LDLRAD3: variants seen among roughly 807,000 people sequenced by gnomAD.
LDLRAD3 encodes the protein low density lipoprotein receptor class A domain containing 3, also known as low-density lipoprotein receptor class A domain-containing protein 3.
Under a neutral mutation model 29.4 loss-of-function variants are expected in LDLRAD3, and 20 were observed. The ratio of observed to expected loss-of-function variants is 0.68; its 90% CI spans 0.48 to 0.99. The LOEUF is 0.99. Among genes scored for constraint, LDLRAD3 ranks in the 50% least tolerant of loss-of-function variants. The pLI is 0.00. For missense variants in LDLRAD3, 420 were observed against 454.3 expected (o/e 0.92, Z 0.69); for synonymous variants, 157 against 192.7 (o/e 0.81, Z 1.53).
chr11:36,017,112 C>T (rs1019329646), intron 1 of LDLRAD3, among the ~76,000 whole-genome samples: 2 of 152,156 alleles, frequency 1.3e-5, no homozygotes, highest in African/African-American at 4.8e-5. Context: ...TGAAGAAAAA[C>T]ATTTGCCTTT....
chr11:36,207,309 G>A (rs1186187098), intron 4 of LDLRAD3, among the ~76,000 whole-genome samples: 2 of 152,116 alleles, frequency 1.3e-5, no homozygotes, highest in Non-Finnish European at 2.9e-5. Context: ...AAGATGGAAC[G>A]GAAACCACAG....
intron 3 of LDLRAD3, among the ~76,000 whole-genome samples, chr11:36,093,595 G>A (rs61463345): frequency 0.033 from 5,062 of 152,188 alleles, 266 homozygotes; most frequent in African/African-American, 0.12. Flanking sequence ...AGGCAGTGAC[G>A]CTCCCTGCCC....
chr11:36,111,157 C>A (rs1358061275), intron 4 of LDLRAD3, among the ~76,000 whole-genome samples: 1 of 152,090 alleles, frequency 6.6e-6, no homozygotes, highest in Non-Finnish European at 1.5e-5. Context: ...GATGTTCAAC[C>A]CTGGAAAAGA....
At chr11:36,143,739 A>C (rs1297261314) in intron 4 of LDLRAD3, among the ~76,000 whole-genome samples, 1 of 152,198 alleles carries the variant, frequency 6.6e-6, no homozygotes, top group African/African-American at 2.4e-5. Flanking sequence ...GGTTTCTCCC[A>C]GCACCCCTTT....
intron 2 of LDLRAD3, among the ~76,000 whole-genome samples, chr11:36,060,633 G>A (rs556367194): frequency 2.0e-5 from 3 of 152,280 alleles, no homozygotes; most frequent in South Asian, 2.1e-4. Context: ...ACTTGCTTGT[G>A]TGATGGGGTT....
chr11:36,019,733 T>A (rs1298798863), intron 1 of LDLRAD3, among the ~76,000 whole-genome samples: 1 of 152,190 alleles, frequency 6.6e-6, no homozygotes, highest in African/African-American at 2.4e-5. Context: ...CTGTCACTAT[T>A]CCCTGGATAC....
chr11:36,227,224 G>T lies in LDLRAD3; in HGVS notation c.594G>T (p.Arg198=). The T allele has an allele frequency of 5.0e-6, 8 of 1,614,204 alleles. No homozygotes were observed. The highest frequency in any genetic ancestry group is 6.8e-6 in the Non-Finnish European group (8 of 1,180,032). Residue 198 remains arginine (R), a synonymous_variant, in exon 5 of 6, where the codon CGG becomes CGT. Coordinates refer to ENST00000315571, the MANE Select transcript of LDLRAD3 (RefSeq NM_174902.4). The stretch of plus-strand genomic sequence containing the variant: ...TGGCACTGGTCTTGCACCACCAGCG[G>T]AAGCGGAACAACCTCATGACGCTGC... ...ALLALVLHHQ[R]KRNNLMTLPV...
chr11:36,217,226 A>T (rs147542669), intron 4 of LDLRAD3, among the ~76,000 whole-genome samples: 141 of 152,318 alleles, frequency 9.3e-4, no homozygotes, highest in Middle Eastern at 6.8e-3. Flanking sequence ...ATTGTGAATT[A>T]CCATGTTGAC....
Position 35,978,435 on chromosome 11 carries a change from G to A in LDLRAD3, c.46+34291G>A, listed in dbSNP as rs371041219. 7.2e-5 allele frequency among the ~76,000 whole-genome samples: 11 copies of A among 152,310 alleles called. No homozygotes were observed. The East Asian group carries it at 1.5e-3, about 21-fold the overall frequency. On this transcript the variant is annotated intron_variant, in intron 1 of 5. Transcript: ENST00000315571. Reference sequence around the variant, plus strand: ...TTGTGACATTGTGTAACACGACCCAGTACGGCCATCAGTTAAATGTGTTTG... The same window carrying A: ...TTGTGACATTGTGTAACACGACCCAATACGGCCATCAGTTAAATGTGTTTG...
intron 4 of LDLRAD3, among the ~76,000 whole-genome samples, chr11:36,147,030 C>T (rs1414342858): frequency 1.3e-5 from 2 of 150,908 alleles, no homozygotes; most frequent in Admixed American, 1.3e-4. Flanking sequence ...CCTCGAGTGA[C>T]CCACCCACCT....
At chr11:36,091,060 C>T (rs1240143856) in intron 3 of LDLRAD3, among the ~76,000 whole-genome samples, 2 of 152,172 alleles carry the variant, frequency 1.3e-5, no homozygotes, top group Admixed American at 6.5e-5. Context: ...GGCCAGGCGC[C>T]CTCTATCCTC....
intron 4 of LDLRAD3, among the ~76,000 whole-genome samples, chr11:36,108,134 G>A (rs1345598271): frequency 6.6e-6 from 1 of 151,862 alleles, no homozygotes; most frequent in Non-Finnish European, 1.5e-5. Flanking sequence ...GGCTAACACA[G>A]TGAAACCCCG....
rs116332570 is a variant in LDLRAD3, at chr11:35,961,955, G to A, written c.46+17811G>A. ...TACAATGAGGATATTTTAAGCCAGG[G>A]ATGACTGTGATCCTGTTTGTGGTCT... On this transcript the variant is annotated intron_variant, in intron 1 of 5. Transcript: ENST00000315571. Among the ~76,000 whole-genome samples the A allele has an allele frequency of 1.8e-3, 267 of 152,158 alleles. 1 individual carries two copies. Among genetic ancestry groups the A allele is most frequent in the African/African-American group, 6.0e-3 (249 of 41,504 alleles).
intron 4 of LDLRAD3, among the ~76,000 whole-genome samples, chr11:36,126,991 C>A (rs1387636617): frequency 6.6e-6 from 1 of 152,280 alleles, no homozygotes; most frequent in South Asian, 2.1e-4. Flanking sequence ...CAGTGGTCAT[C>A]CCTGGTGGTG....
chr11:35,965,761 T>C (rs1851332826), intron 1 of LDLRAD3, among the ~76,000 whole-genome samples: 5 of 152,184 alleles, frequency 3.3e-5, no homozygotes. Context: ...CACACTATTT[T>C]TTTTAAAGAA....
chr11:36,049,426 A>G (rs1395169584), intron 2 of LDLRAD3, among the ~76,000 whole-genome samples: 2 of 152,256 alleles, frequency 1.3e-5, no homozygotes, highest in Admixed American at 6.5e-5. Context: ...ATGCAGACAC[A>G]TGACCAGAGA....
chr11:36,002,250 A>T (rs549296105), intron 1 of LDLRAD3, among the ~76,000 whole-genome samples: 1 of 152,372 alleles, frequency 6.6e-6, no homozygotes, highest in East Asian at 1.9e-4. Flanking sequence ...TACACTTAAC[A>T]GTCATTCCTG....
At chr11:36,080,336 A>G (rs762190774) in intron 2 of LDLRAD3, among the ~76,000 whole-genome samples, 2 of 152,192 alleles carry the variant, frequency 1.3e-5, no homozygotes, top group Non-Finnish European at 2.9e-5. Context: ...TTAGCAGGAC[A>G]CTCAATTAAG....
At chr11:36,177,860 T>TA (rs1854701978) in intron 4 of LDLRAD3, among the ~76,000 whole-genome samples, 1 of 152,230 alleles carries the variant, frequency 6.6e-6, no homozygotes, top group Non-Finnish European at 1.5e-5. Flanking sequence ...CATCAGCTGA[T>TA]ACAACCTAAG....
Sources: allele counts gnomAD v4.1 joint callset (sites outside exome capture counted in the v4.1 genomes callset), GRCh38; gene constraint gnomAD v4.1.1; transcripts MANE v1.5; gene names NCBI Gene and HGNC (gene_info 2026-07-23, HGNC 2026-07-21).